Variants in SLC35D4 observed in about 807,000 individuals in gnomAD.
SLC35D4 encodes the protein UDP-N-acetylglucosamine transporter SLC35D4.
chr18:23,326,615 A>C, the SLC35D4 span, among the ~76,000 whole-genome samples: 2 of 152,256 alleles, frequency 1.3e-5, no homozygotes, highest in East Asian at 3.9e-4. Context: ...AGATTTTAAC[A>C]CCCCACTGTC....
chr18:23,278,474 T>C, the SLC35D4 span, among the ~76,000 whole-genome samples: 1 of 152,180 alleles, frequency 6.6e-6, no homozygotes, highest in Admixed American at 6.5e-5. Context: ...TACTAGGAAG[T>C]GTAGTCATCA....
the SLC35D4 span, among the ~76,000 whole-genome samples, chr18:23,273,647 GTGAC>G: frequency 6.6e-6 from 1 of 152,124 alleles, no homozygotes; most frequent in Admixed American, 6.6e-5. Flanking sequence ...GACTTCTGGG[GTGAC>G]TGCATATTCC....
the SLC35D4 span, among the ~76,000 whole-genome samples, chr18:23,308,908 T>C: frequency 2.8e-5 from 4 of 143,304 alleles, no homozygotes; most frequent in Non-Finnish European, 4.6e-5. Context: ...GTGTATACAG[T>C]TGCCCCTCAG....
At chr18:23,324,506 G>T in the SLC35D4 span, among the ~76,000 whole-genome samples, 2 of 152,230 alleles carry the variant, frequency 1.3e-5, no homozygotes, top group African/African-American at 4.8e-5. Flanking sequence ...CTGGGATGAA[G>T]TTGAGGCCAA....
the SLC35D4 span, among the ~76,000 whole-genome samples, chr18:23,261,110 T>A: frequency 6.6e-6 from 1 of 152,196 alleles, no homozygotes; most frequent in Non-Finnish European, 1.5e-5. Context: ...TCGCGAGTAC[T>A]GTGCTTCCTC....
At chr18:23,378,725 A>C in the SLC35D4 span, among the ~76,000 whole-genome samples, 1 of 152,206 alleles carries the variant, frequency 6.6e-6, no homozygotes, top group South Asian at 2.1e-4. Context: ...ACTTTTGATT[A>C]ATTCTAAACA....
the SLC35D4 span, among the ~76,000 whole-genome samples, chr18:23,321,683 G>A: frequency 6.6e-6 from 1 of 152,130 alleles, no homozygotes; most frequent in Admixed American, 6.5e-5. Flanking sequence ...TTGAACTCCT[G>A]GGCTCAAACA....
the SLC35D4 span, among the ~76,000 whole-genome samples, chr18:23,357,321 T>C: frequency 6.6e-6 from 1 of 152,228 alleles, no homozygotes; most frequent in African/African-American, 2.4e-5. Flanking sequence ...AAGTTCATTC[T>C]TTTAGTTCCA....
chr18:23,356,534 CAG>C, the SLC35D4 span: 1 of 1,580,068 alleles, frequency 6.3e-7, no homozygotes, highest in Non-Finnish European at 8.7e-7. The surrounding 1 kb of genome is among the most constrained non-coding windows in gnomAD (Gnocchi z 4.1). Flanking sequence ...CTGAACTTCA[CAG>C]AGAGGAAGAC....
the SLC35D4 span, among the ~76,000 whole-genome samples, chr18:23,356,344 C>A: frequency 1.3e-5 from 2 of 152,162 alleles, no homozygotes; most frequent in African/African-American, 4.8e-5. This position sits in a 1 kb window ranked among gnomAD's most constrained non-coding sequence, Gnocchi z 4.1. Flanking sequence ...CTAGAGCAAG[C>A]GCGAAAATCA....
chr18:23,303,126 G>T, the SLC35D4 span, among the ~76,000 whole-genome samples: 11 of 152,308 alleles, frequency 7.2e-5, no homozygotes, highest in African/African-American at 2.4e-4. Context: ...TCTGAGAGCT[G>T]GTCACCCAGC....
the SLC35D4 span, chr18:23,298,053 G>A: frequency 1.2e-5 from 19 of 1,613,598 alleles, no homozygotes; most frequent in African/African-American, 6.7e-5. Context: ...CTCTCCAAGC[G>A]CACCGAGCAG....
chr18:23,402,802 C>CT, the SLC35D4 span, among the ~76,000 whole-genome samples: 17 of 133,142 alleles, frequency 1.3e-4, no homozygotes, highest in Non-Finnish European at 2.4e-4. Context: ...AAGACCTTGT[C>CT]TTTTTAAAAA....
chr18:23,327,668 GA>G, the SLC35D4 span, among the ~76,000 whole-genome samples: 6 of 150,252 alleles, frequency 4.0e-5, no homozygotes, highest in African/African-American at 7.3e-5. Context: ...CCAATCAATA[GA>G]AAAAAAAATA....
chr18:23,250,252 GC>G, the SLC35D4 span, among the ~76,000 whole-genome samples: 1 of 152,230 alleles, frequency 6.6e-6, no homozygotes, highest in South Asian at 2.1e-4. Context: ...CTTTACTTGA[GC>G]CTGCTCACAT....
At chr18:23,390,416 C>T in the SLC35D4 span, among the ~76,000 whole-genome samples, 2 of 152,116 alleles carry the variant, frequency 1.3e-5, no homozygotes, top group African/African-American at 4.8e-5. Flanking sequence ...GGTAATTGAC[C>T]AAATTAAACA....
the SLC35D4 span, among the ~76,000 whole-genome samples, chr18:23,392,096 C>A: frequency 1.3e-5 from 2 of 152,162 alleles, no homozygotes; most frequent in Admixed American, 6.5e-5. Context: ...CGCCACCATA[C>A]CCGGCTAATT....
At chr18:23,309,662 T>G in the SLC35D4 span, 1 of 1,612,358 alleles carries the variant, frequency 6.2e-7, no homozygotes. Context: ...ACTTTATCTC[T>G]CTATGCAAAA....
At chr18:23,315,229 AG>A in the SLC35D4 span, among the ~76,000 whole-genome samples, 24 of 152,322 alleles carry the variant, frequency 1.6e-4, no homozygotes, top group Admixed American at 3.3e-4. Flanking sequence ...TTTCAAACAC[AG>A]TTTCCTACCA....
Sources: gnomAD v4.1 joint callset for allele counts (sites outside exome capture counted in the v4.1 genomes callset) on GRCh38, gnomAD v4.1.1 for gene constraint, Gnocchi (gnomAD v3.1) non-coding constraint, MANE v1.5 for transcripts, NCBI Gene and HGNC (gene_info 2026-07-23, HGNC 2026-07-21) for gene names.